Variants in IQSEC1 observed in about 807,000 individuals in gnomAD.
IQSEC1 encodes the protein IQ motif and SEC7 domain-containing protein 1.
A neutral mutation model predicts 91.0 loss-of-function variants in IQSEC1; 31 were observed. That is an observed-to-expected ratio of 0.34 (90% CI 0.26 to 0.46). The LOEUF (loss-of-function observed/expected upper bound fraction) is 0.46, where lower values mean the gene tolerates loss of function less well. IQSEC1 is among the 20% of genes least tolerant of loss of function. The pLI is 1.00. For synonymous variants in IQSEC1, 699 were observed against 662.6 expected, an observed-to-expected ratio of 1.05 and a Z score of -0.84; for missense variants, 1,388 against 1,575.6, an observed-to-expected ratio of 0.88 and a Z score of 2.02.
At chr3:13,169,552 G>A (rs1303446414) in intron 1 of IQSEC1, among the ~76,000 whole-genome samples, 1 of 152,236 alleles carries the variant, frequency 6.6e-6, no homozygotes. Flanking sequence ...ACAGGAAAAT[G>A]TGGGAAAGTT....
At chr3:13,173,760 G>T (rs1330523706) in intron 1 of IQSEC1, among the ~76,000 whole-genome samples, 2 of 152,220 alleles carry the variant, frequency 1.3e-5, no homozygotes, top group East Asian at 3.8e-4. Context: ...GTCACACATG[G>T]GGTGGGTCCA....
At chr3:13,059,862 G>C (rs1705005645) in intron 1 of IQSEC1, among the ~76,000 whole-genome samples, 1 of 152,230 alleles carries the variant, frequency 6.6e-6, no homozygotes, top group Non-Finnish European at 1.5e-5. Context: ...GATGACTTTG[G>C]AGCAGCGGTG....
At chr3:12,987,601 T>C (rs1008211399) in intron 1 of IQSEC1, among the ~76,000 whole-genome samples, 65 of 152,162 alleles carry the variant, frequency 4.3e-4, no homozygotes, top group African/African-American at 1.5e-3. Flanking sequence ...CTACTTGAAT[T>C]AAGAATTCTG....
At position 13,214,377 on chromosome 3, in the gene IQSEC1, C is replaced by T. The variant is rs1227745608; in HGVS notation, c.273-50244G>A. Among the ~76,000 whole-genome samples the T allele has an allele frequency of 6.6e-6, 1 of 152,254 alleles. No homozygotes were observed. Among genetic ancestry groups the T allele is most frequent in the Non-Finnish European group, 1.5e-5 (1 of 68,040 alleles). On this transcript the variant is annotated intron_variant, in intron 1 of 15. Transcript: ENST00000648114. The surrounding 1 kb of genome is among the most constrained non-coding windows in gnomAD (Gnocchi z 4.5). Reference sequence around the variant, plus strand: ...CCCAGGCCGACTCCTCACCCCGTCCCACAGCCAGCACAGGCAGGCACACGG... The same window carrying T: ...CCCAGGCCGACTCCTCACCCCGTCCTACAGCCAGCACAGGCAGGCACACGG...
At chr3:12,948,399 T>C (rs1007401283) in intron 1 of IQSEC1, among the ~76,000 whole-genome samples, 1 of 151,974 alleles carries the variant, frequency 6.6e-6, no homozygotes, top group Non-Finnish European at 1.5e-5. Flanking sequence ...GACCCCAGGG[T>C]GGAGGGAGAC....
At chr3:13,139,241 G>T (rs1706760485) in intron 2 of IQSEC1, among the ~76,000 whole-genome samples, 1 of 152,182 alleles carries the variant, frequency 6.6e-6, no homozygotes, top group Admixed American at 6.5e-5. Context: ...AGTCTCCTGG[G>T]CCTGCCTCCC....
intron 1 of IQSEC1, among the ~76,000 whole-genome samples, chr3:13,247,227 T>C (rs1174169609): frequency 6.6e-6 from 1 of 152,196 alleles, no homozygotes; most frequent in Non-Finnish European, 1.5e-5. Flanking sequence ...TAGATGTGCC[T>C]GCCCAGACTG....
At chr3:13,095,787 G>A (rs146461370) in intron 2 of IQSEC1, among the ~76,000 whole-genome samples, 43 of 152,352 alleles carry the variant, frequency 2.8e-4, no homozygotes, top group African/African-American at 1.0e-3. Flanking sequence ...TTGGCAGGGA[G>A]CGGGCGGGGC....
intron 5 of IQSEC1, among the ~76,000 whole-genome samples, chr3:12,921,500 G>A (rs1696628919): frequency 6.6e-6 from 1 of 152,346 alleles, no homozygotes; most frequent in South Asian, 2.1e-4. Flanking sequence ...TAGTGACCGC[G>A]AGCTCACTGT....
At chr3:13,025,750 T>C (rs1414952539) in intron 1 of IQSEC1, among the ~76,000 whole-genome samples, 1 of 152,188 alleles carries the variant, frequency 6.6e-6, no homozygotes, top group Non-Finnish European at 1.5e-5. Flanking sequence ...CAGGTGACAG[T>C]ATGAGACCTC....
chr3:13,099,275 T>C (rs1417286201), intron 2 of IQSEC1, among the ~76,000 whole-genome samples: 3 of 152,184 alleles, frequency 2.0e-5, no homozygotes, highest in East Asian at 3.8e-4. Flanking sequence ...TATATCAGGG[T>C]CCACTAGGGG....
intron 1 of IQSEC1, among the ~76,000 whole-genome samples, chr3:13,252,422 A>G (rs59621906): frequency 0.083 from 12,585 of 152,274 alleles, 1,082 homozygotes; most frequent in African/African-American, 0.22. Flanking sequence ...CATAGACCAC[A>G]GTTTGTGAAT....
intron 1 of IQSEC1, among the ~76,000 whole-genome samples, chr3:12,965,441 G>T (rs1190206862): frequency 6.6e-6 from 1 of 152,234 alleles, no homozygotes; most frequent in Non-Finnish European, 1.5e-5. Flanking sequence ...CAAGGACTGG[G>T]TTGATTTCCT....
intron 1 of IQSEC1, among the ~76,000 whole-genome samples, chr3:13,241,449 G>A (rs754989375): frequency 1.7e-4 from 26 of 152,150 alleles, no homozygotes; most frequent in Admixed American, 5.9e-4. Flanking sequence ...CCGCTGTGAC[G>A]TCCTTTAACC....
At chr3:13,121,343 C>T (rs1706419698) in intron 2 of IQSEC1, among the ~76,000 whole-genome samples, 1 of 152,178 alleles carries the variant, frequency 6.6e-6, no homozygotes, top group South Asian at 2.1e-4. Context: ...CCTGAAGAAG[C>T]CAATGTCATT....
intron 2 of IQSEC1, among the ~76,000 whole-genome samples, chr3:13,127,430 AAAAC>A (rs1221848543): frequency 8.9e-5 from 11 of 123,146 alleles, no homozygotes; most frequent in South Asian, 2.9e-4. Context: ...CAACAACAAA[AAAAC>A]AAACAAACAA....
intron 2 of IQSEC1, among the ~76,000 whole-genome samples, chr3:13,139,861 G>A (rs1415988091): frequency 2.6e-5 from 4 of 152,138 alleles, no homozygotes; most frequent in Non-Finnish European, 5.9e-5. Context: ...GAACACCCGC[G>A]GTATGGCAGG....
chr3:13,139,750 G>A (rs999490493), intron 2 of IQSEC1, among the ~76,000 whole-genome samples: 2 of 152,320 alleles, frequency 1.3e-5, no homozygotes, highest in African/African-American at 4.8e-5. Flanking sequence ...AATGAGCAGA[G>A]TGGAAACAAG....
At chr3:13,194,173 TC>T (rs1328590471) in intron 1 of IQSEC1, among the ~76,000 whole-genome samples, 6 of 152,056 alleles carry the variant, frequency 3.9e-5, no homozygotes, top group Non-Finnish European at 7.4e-5. Flanking sequence ...CTCATCCCGT[TC>T]TAAGGTTATG....
Sources: allele counts gnomAD v4.1 joint callset (sites outside exome capture counted in the v4.1 genomes callset), GRCh38; gene constraint gnomAD v4.1.1; non-coding constraint Gnocchi (gnomAD v3.1); transcripts MANE v1.5; gene names NCBI Gene and HGNC (gene_info 2026-07-23, HGNC 2026-07-21).